JPH3: variants seen among roughly 807,000 people sequenced by gnomAD.
The protein encoded by JPH3 is junctophilin 3.
In JPH3, 11 loss-of-function variants were observed where a neutral mutation model predicts 59.6. That is an observed-to-expected ratio of 0.18 (90% CI 0.12 to 0.31). The LOEUF is 0.31. JPH3 is among the 10% of genes least tolerant of loss of function. The probability of loss-of-function intolerance (pLI) is 1.00; values close to 1 mark genes in which losing one functional copy is unlikely to be tolerated. For synonymous variants in JPH3, 673 were observed against 483.6 expected (o/e 1.39, Z -5.14); for missense variants, 1,202 against 1,105.7 (o/e 1.09, Z -1.24).
intron 2 of JPH3, chr16:87,654,685 C>A (rs1189999540): frequency 6.6e-6 from 1 of 152,324 alleles, no homozygotes; most frequent in Non-Finnish European, 1.5e-5. Context: ...ATCAGCACCT[C>A]AGCCTCGCTG....
intron 1 of JPH3, among the ~76,000 whole-genome samples, chr16:87,641,572 C>G (rs1369415850): frequency 6.6e-6 from 1 of 152,252 alleles, no homozygotes; most frequent in African/African-American, 2.4e-5. Flanking sequence ...CCTGGTACCC[C>G]CCTTCTCCAG....
chr16:87,680,954 A>G (rs2033273836), intron 2 of JPH3, among the ~76,000 whole-genome samples: 1 of 151,968 alleles, frequency 6.6e-6, no homozygotes, highest in South Asian at 2.1e-4. Flanking sequence ...GGAGTTTCCC[A>G]TTTGGTCCCT....
intron 1 of JPH3, among the ~76,000 whole-genome samples, chr16:87,630,037 GAAGCA>G (rs2031514660): frequency 6.6e-6 from 1 of 152,170 alleles, no homozygotes; most frequent in South Asian, 2.1e-4. Flanking sequence ...GAGAGTGGAA[GAAGCA>G]AAGTCAAAAC....
chr16:87,618,934 G>T (rs1300413204), intron 1 of JPH3, among the ~76,000 whole-genome samples: 2 of 152,056 alleles, frequency 1.3e-5, no homozygotes, highest in African/African-American at 4.8e-5. Context: ...ACTAAAAATG[G>T]GAAAATGAGC....
intron 2 of JPH3, among the ~76,000 whole-genome samples, chr16:87,667,766 G>A (rs1015511466): frequency 1.3e-5 from 2 of 152,214 alleles, no homozygotes; most frequent in African/African-American, 4.8e-5. Context: ...AGGCTTTGCT[G>A]GCCCTGTAGT....
chr16:87,645,476 C>T (rs1178703270), intron 2 of JPH3, among the ~76,000 whole-genome samples: 1 of 152,198 alleles, frequency 6.6e-6, no homozygotes, highest in African/African-American at 2.4e-5. Context: ...GCCTCAGCTA[C>T]CCAGACCTGC....
At chr16:87,651,987 T>G (rs924412726) in intron 2 of JPH3, among the ~76,000 whole-genome samples, 5 of 152,170 alleles carry the variant, frequency 3.3e-5, no homozygotes, top group Non-Finnish European at 7.3e-5. Context: ...TTTTTTGTTT[T>G]GTTTTGAGAT....
At position 87,644,974 on chromosome 16, in the gene JPH3, G is replaced by C. The variant is rs147884034; in HGVS notation, c.1099G>C (p.Val367Leu). ...GATCCGCGAGAAGGTGGACCGCGCCGTTGAGGCCGCTGAGCGGGCCGCCAC... is the reference window on the plus strand; with the variant it reads ...GATCCGCGAGAAGGTGGACCGCGCCCTTGAGGCCGCTGAGCGGGCCGCCAC... ...SKIREKVDRA[V>L]EAAERAATIA... is the part of the protein sequence containing the mutation. Residue 367 changes from valine to leucine, a missense_variant, in exon 2 of 5, where the codon GTT becomes CTT. Physicochemically the swap from Val to Leu is conservative, Grantham distance 32. Coordinates refer to ENST00000284262, the MANE Select transcript of JPH3 (RefSeq NM_020655.4). 1 of 1,610,200 alleles carries C rather than the reference G, an allele frequency of 6.2e-7. No homozygotes were observed. Among genetic ancestry groups the C allele is most frequent in the Non-Finnish European group, 8.5e-7 (1 of 1,179,838 alleles).
chr16:87,673,648 G>T (rs1223695954), intron 2 of JPH3, among the ~76,000 whole-genome samples: 4 of 152,180 alleles, frequency 2.6e-5, no homozygotes, highest in African/African-American at 9.7e-5. Flanking sequence ...ACAAGAGGCT[G>T]GGCACGGTGG....
In JPH3 at chr16:87,657,602, AACTC is replaced by A. The variant is rs146302938; in HGVS notation, c.1160+12569_1160+12572del. 2.4e-3 allele frequency among the ~76,000 whole-genome samples: 369 copies of A among 152,218 alleles called. 4 individuals carry two copies. Among genetic ancestry groups the A allele is most frequent in the African/African-American group, 8.6e-3 (356 of 41,510 alleles). ...AAAGGATGTTGTATTAAACGAGAAA[AACTC>A]ATTTCTCTCAAGTACCAGTCACTCA... On this transcript the variant is annotated intron_variant, in intron 2 of 4. Transcript: ENST00000284262.
chr16:87,628,010 G>A (rs2031439995), intron 1 of JPH3, among the ~76,000 whole-genome samples: 1 of 152,240 alleles, frequency 6.6e-6, no homozygotes, highest in African/African-American at 2.4e-5. Flanking sequence ...GGGGATCATG[G>A]GTCTGGCAGG....
chr16:87,659,216 A>G (rs2032614272), intron 2 of JPH3, among the ~76,000 whole-genome samples: 2 of 151,944 alleles, frequency 1.3e-5, no homozygotes, highest in Admixed American at 1.3e-4. Flanking sequence ...TCTACTGAAA[A>G]TACAAAAAAA....
intron 1 of JPH3, among the ~76,000 whole-genome samples, chr16:87,605,699 C>T (rs766620715): frequency 2.0e-5 from 3 of 152,314 alleles, no homozygotes; most frequent in Middle Eastern, 3.4e-3. Context: ...CCTGCCTGAT[C>T]ATGTCCATTC....
At chr16:87,668,203 C>G (rs1425712882) in intron 2 of JPH3, among the ~76,000 whole-genome samples, 2 of 152,230 alleles carry the variant, frequency 1.3e-5, no homozygotes, top group African/African-American at 2.4e-5. Flanking sequence ...AAGCTCTGGC[C>G]TCTTCACCAG....
At chr16:87,612,995 C>T (rs372812575) in intron 1 of JPH3, among the ~76,000 whole-genome samples, 39 of 151,428 alleles carry the variant, frequency 2.6e-4, no homozygotes, top group East Asian at 9.8e-4. Flanking sequence ...CCCTGCAGTC[C>T]GGCCTGGGTG....
rs778098131 is a variant in JPH3, at chr16:87,695,764, A to G, written c.2167-816A>G. 23 of 456,090 alleles carry G rather than the reference A, an allele frequency of 5.0e-5. No individual in the cohort carries two copies. The East Asian group carries it at 1.5e-3, about 30-fold the overall frequency. The allele number at this position is 456,090 out of a possible 1,614,324, so 28.3% of individuals were successfully genotyped here. On this transcript the variant is annotated intron_variant, in intron 4 of 4. Transcript: ENST00000284262. ...GTGTGAGCAGAACACAGCAGAGTGCAGGACTGCAAGAATCACTGCAGAAGG... is the reference window on the plus strand; with the variant it reads ...GTGTGAGCAGAACACAGCAGAGTGCGGGACTGCAAGAATCACTGCAGAAGG...
At chr16:87,609,144 G>A (rs139727642) in intron 1 of JPH3, among the ~76,000 whole-genome samples, 3 of 152,256 alleles carry the variant, frequency 2.0e-5, no homozygotes, top group African/African-American at 7.2e-5. Flanking sequence ...CCCCTACCCT[G>A]TCAGTCCTTC....
intron 2 of JPH3, among the ~76,000 whole-genome samples, chr16:87,659,418 A>C (rs2032630233): frequency 6.7e-6 from 1 of 149,472 alleles, no homozygotes; most frequent in East Asian, 2.0e-4. Context: ...ACACACATAC[A>C]CACAACATAA....
intron 2 of JPH3, among the ~76,000 whole-genome samples, chr16:87,662,055 C>T (rs2032721605): frequency 6.6e-6 from 1 of 152,230 alleles, no homozygotes; most frequent in Non-Finnish European, 1.5e-5. Context: ...TTTAACATTT[C>T]AAAATACTTG....
Sources: allele counts gnomAD v4.1 joint callset (sites outside exome capture counted in the v4.1 genomes callset), GRCh38; gene constraint gnomAD v4.1.1; transcripts MANE v1.5; gene names NCBI Gene and HGNC (gene_info 2026-07-23, HGNC 2026-07-21).